Variants in LUZP2 observed in about 807,000 individuals in gnomAD.
LUZP2 encodes the protein leucine zipper protein 2.
In LUZP2, 52 loss-of-function variants were observed where a neutral mutation model predicts 51.6. The ratio of observed to expected loss-of-function variants is 1.01; its 90% CI spans 0.81 to 1.27. LUZP2 has a LOEUF of 1.27. LUZP2 is among the 50% of genes most tolerant of loss of function. LUZP2 has a pLI of 0.00. For missense variants in LUZP2, 436 were observed against 395.4 expected, an observed-to-expected ratio of 1.10 and a Z score of -0.87; for synonymous variants, 154 against 137.3, an observed-to-expected ratio of 1.12 and a Z score of -0.85.
At chr11:24,786,630 T>C (rs1001812383) in intron 5 of LUZP2, 5 of 71,656 alleles carry the variant, frequency 7.0e-5, no homozygotes, top group African/African-American at 4.0e-4. Context: ...AATATATGCA[T>C]TTATATATTA....
intron 7 of LUZP2, among the ~76,000 whole-genome samples, chr11:24,927,907 T>C (rs1854327458): frequency 6.6e-6 from 1 of 152,134 alleles, no homozygotes; most frequent in South Asian, 2.1e-4. Flanking sequence ...TTGTCTATGA[T>C]TTCTTTCAGC....
intron 1 of LUZP2, among the ~76,000 whole-genome samples, chr11:24,512,549 CAAAT>C (rs1173817860): frequency 6.6e-6 from 1 of 152,042 alleles, no homozygotes; most frequent in Non-Finnish European, 1.5e-5. Context: ...AGAAAAATGA[CAAAT>C]GAATAATTAT....
At chr11:24,723,375 C>A (rs901613253) in intron 1 of LUZP2, among the ~76,000 whole-genome samples, 1 of 151,974 alleles carries the variant, frequency 6.6e-6, no homozygotes, top group African/African-American at 2.4e-5. Flanking sequence ...AGATATATAC[C>A]CAGCATAAAC....
chr11:24,659,489 GC>G (rs112336783), intron 1 of LUZP2, among the ~76,000 whole-genome samples: 12 of 151,918 alleles, frequency 7.9e-5, no homozygotes, highest in African/African-American at 2.9e-4. Flanking sequence ...GTTAATGCGT[GC>G]AGCACACCAA....
At chr11:24,700,056 C>CTTTTTTTTTTT (rs762849302) in intron 1 of LUZP2, among the ~76,000 whole-genome samples, 1 of 95,978 alleles carries the variant, frequency 1.0e-5, no homozygotes, top group African/African-American at 4.1e-5. Flanking sequence ...TTTTCCTCAA[C>CTTTTTTTTTTT]TTTTTTTTTT....
chr11:24,932,395 CA>C (rs1854480162), intron 7 of LUZP2, among the ~76,000 whole-genome samples: 1 of 152,090 alleles, frequency 6.6e-6, no homozygotes, highest in Non-Finnish European at 1.5e-5. Context: ...TTGGCTACCA[CA>C]GGGGGTAGAG....
At chr11:24,581,509 A>G (rs974024031) in intron 1 of LUZP2, among the ~76,000 whole-genome samples, 3 of 142,050 alleles carry the variant, frequency 2.1e-5, no homozygotes, top group African/African-American at 7.4e-5. Context: ...CATCTGGACT[A>G]AAAATACAAA....
chr11:24,705,643 T>C (rs1857554872), intron 1 of LUZP2, among the ~76,000 whole-genome samples: 1 of 152,166 alleles, frequency 6.6e-6, no homozygotes, highest in Admixed American at 6.5e-5. Context: ...GGACAGAAGC[T>C]GAACAACTGC....
At chr11:24,574,603 A>G (rs1487392973) in intron 1 of LUZP2, among the ~76,000 whole-genome samples, 1 of 151,968 alleles carries the variant, frequency 6.6e-6, no homozygotes, top group Non-Finnish European at 1.5e-5. Flanking sequence ...ATTGAACTGA[A>G]CTCCCTCTAA....
intron 7 of LUZP2, among the ~76,000 whole-genome samples, chr11:24,922,082 T>TG (rs767505897): frequency 1.3e-5 from 2 of 152,172 alleles, no homozygotes; most frequent in Non-Finnish European, 2.9e-5. Flanking sequence ...GCTGACCTGT[T>TG]GGGGCATCAT....
rs951818938 is a variant in LUZP2 at position 25,062,671 on chromosome 11, C to T, written c.858+12541C>T. On this transcript the variant is annotated intron_variant, in intron 10 of 11. Transcript: ENST00000336930. Reference sequence around the variant, plus strand: ...ACACCAATAAAGTTGTGTGTCTTTCCGTCTCCAACTTTATCATTGTGCTAT... The same window carrying T: ...ACACCAATAAAGTTGTGTGTCTTTCTGTCTCCAACTTTATCATTGTGCTAT... Among the ~76,000 whole-genome samples the T allele has an allele frequency of 6.7e-5, 10 of 149,640 alleles. 1 individual carries two copies. Among genetic ancestry groups the T allele is most frequent in the Admixed American group, 1.3e-4 (2 of 14,980 alleles).
intron 1 of LUZP2, among the ~76,000 whole-genome samples, chr11:24,581,193 T>A: frequency 7.6e-6 from 1 of 131,706 alleles, no homozygotes; most frequent in African/African-American, 3.0e-5. Flanking sequence ...ACCCTTTCAC[T>A]GGCCAAAAAA....
intron 5 of LUZP2, among the ~76,000 whole-genome samples, chr11:24,841,633 G>T (rs1851036594): frequency 6.6e-6 from 1 of 151,872 alleles, no homozygotes; most frequent in African/African-American, 2.4e-5. Flanking sequence ...TCTCAAGAAA[G>T]AAAATCAATT....
chr11:24,516,144 G>A (rs543062444), intron 1 of LUZP2, among the ~76,000 whole-genome samples: 26 of 152,070 alleles, frequency 1.7e-4, no homozygotes, highest in Admixed American at 8.5e-4. Context: ...AATCAATCTC[G>A]AAGACCTGTT....
intron 5 of LUZP2, among the ~76,000 whole-genome samples, chr11:24,873,263 A>G (rs942808513): frequency 7.9e-5 from 12 of 152,348 alleles, no homozygotes; most frequent in African/African-American, 2.9e-4. Flanking sequence ...TAGTAATTTC[A>G]AAATCCTACC....
chr11:24,538,380 C>T (rs183680882), intron 1 of LUZP2, among the ~76,000 whole-genome samples: 1 of 151,738 alleles, frequency 6.6e-6, no homozygotes, highest in Non-Finnish European at 1.5e-5. Context: ...GGAAATAAAT[C>T]TTCATGACCT....
At chr11:24,584,892 G>A (rs1363023796) in intron 1 of LUZP2, among the ~76,000 whole-genome samples, 1 of 152,136 alleles carries the variant, frequency 6.6e-6, no homozygotes, top group African/African-American at 2.4e-5. Flanking sequence ...TAGAAAAATA[G>A]CTACCACTAA....
At chr11:24,597,872 C>T (rs574652035) in intron 1 of LUZP2, among the ~76,000 whole-genome samples, 12 of 152,080 alleles carry the variant, frequency 7.9e-5, no homozygotes, top group African/African-American at 2.4e-4. Flanking sequence ...GAGGCCAAGG[C>T]GGGTGGAACA....
chr11:24,582,088 A>C (rs73431190), intron 1 of LUZP2, among the ~76,000 whole-genome samples: 2,548 of 152,234 alleles, frequency 0.017, 70 homozygotes, highest in African/African-American at 0.059. Context: ...CTACCACCTA[A>C]TGTTAGTGAA....
Sources: gnomAD v4.1 joint callset for allele counts (sites outside exome capture counted in the v4.1 genomes callset) on GRCh38, gnomAD v4.1.1 for gene constraint, MANE v1.5 for transcripts, NCBI Gene and HGNC (gene_info 2026-07-23, HGNC 2026-07-21) for gene names.